Variants in C5AR2 observed in about 807,000 individuals in gnomAD.
C5AR2 encodes C5a anaphylatoxin chemotactic receptor 2.
For missense variants in C5AR2, 458 were observed against 467.5 expected (o/e 0.98, Z 0.19); for synonymous variants, 224 against 216.5 (o/e 1.03, Z -0.30).
At chr19:47,336,418 C>CTCTT (rs148272302) in intron 1 of C5AR2, among the ~76,000 whole-genome samples, 2 of 104,920 alleles carry the variant, frequency 1.9e-5, no homozygotes, top group African/African-American at 7.6e-5. Flanking sequence ...AAATGCTGTA[C>CTCTT]TCTTTCTTTC....
intron 1 of C5AR2, among the ~76,000 whole-genome samples, chr19:47,338,179 G>A (rs1049216233): frequency 9.2e-5 from 14 of 152,148 alleles, no homozygotes; most frequent in Non-Finnish European, 1.8e-4. Flanking sequence ...AGGGGGCAGA[G>A]GTGGGAGGAT....
chr19:47,333,601 T>C (rs1304561118), intron 1 of C5AR2, among the ~76,000 whole-genome samples: 2 of 150,164 alleles, frequency 1.3e-5, no homozygotes, highest in Non-Finnish European at 3.0e-5. Context: ...TTTTTTTTTT[T>C]TTTGAGATGG....
chr19:47,336,514 T>G (rs1330376173), intron 1 of C5AR2, among the ~76,000 whole-genome samples: 1 of 147,326 alleles, frequency 6.8e-6, no homozygotes, highest in East Asian at 2.0e-4. Context: ...TCTTTCTTTT[T>G]CTTTCTTTCT....
At chr19:47,333,341 T>C (rs938393684) in intron 1 of C5AR2, among the ~76,000 whole-genome samples, 1 of 152,072 alleles carries the variant, frequency 6.6e-6, no homozygotes, top group Non-Finnish European at 1.5e-5. Flanking sequence ...TCCACATTCT[T>C]GTGTGGTGTT....
intron 1 of C5AR2, among the ~76,000 whole-genome samples, chr19:47,337,392 G>T (rs758191210): frequency 6.6e-6 from 1 of 152,126 alleles, no homozygotes; most frequent in African/African-American, 2.4e-5. Flanking sequence ...GGCTGGGCGC[G>T]GTGGCTCATG....
rs1315783253 is a variant in C5AR2, at chr19:47,344,158, A to G, written c.*2345A>G. On this transcript the variant is annotated 3_prime_UTR_variant, in exon 2 of 2. Coordinates refer to ENST00000595464, the MANE Select transcript of C5AR2 (RefSeq NM_001271749.2). ...GAAGCTGGAGACCTGCCTGGGCAAC[A>G]GAGCAAGACCCCATCTCTACAAAAA... 6.6e-6 allele frequency: 1 copy of G among 152,244 alleles called. No individual in the cohort carries two copies. The highest frequency in any genetic ancestry group is 1.5e-5 in the Non-Finnish European group (1 of 68,088). 9.4% of individuals were successfully genotyped at this position (152,244 alleles called of 1,614,324 possible). A position where few individuals can be genotyped will look rare whatever the true frequency, so the allele number is the denominator to read the frequency against.
chr19:47,339,978 T>C (rs1191163087), intron 1 of C5AR2, among the ~76,000 whole-genome samples: 2 of 152,114 alleles, frequency 1.3e-5, no homozygotes, highest in Non-Finnish European at 2.9e-5. Context: ...TTTTTTATTT[T>C]TTGAGACAGA....
intron 1 of C5AR2, among the ~76,000 whole-genome samples, 175 bp from the exon 2 acceptor site, chr19:47,340,610 C>T (rs1296405244): frequency 6.6e-6 from 1 of 152,180 alleles, no homozygotes; most frequent in East Asian, 1.9e-4. Context: ...GTTAAGATTA[C>T]AGGTGTGAGC....
chr19:47,338,656 A>AAATAATAATAATAAT (rs34869990), intron 1 of C5AR2, among the ~76,000 whole-genome samples: 2,557 of 131,626 alleles, frequency 0.019, 94 homozygotes, highest in East Asian at 0.13. Flanking sequence ...ATGACCTCCA[A>AAATAATAATAATAAT]AATAATAATA....
intron 1 of C5AR2, among the ~76,000 whole-genome samples, chr19:47,334,689 A>G (rs1208480704): frequency 1.4e-5 from 2 of 147,314 alleles, no homozygotes; most frequent in Non-Finnish European, 3.0e-5. Context: ...ATCAAATTGG[A>G]TTTAATACAC....
intron 1 of C5AR2, among the ~76,000 whole-genome samples, chr19:47,333,527 G>A (rs961221485): frequency 6.6e-6 from 1 of 151,812 alleles, no homozygotes; most frequent in African/African-American, 2.4e-5. Flanking sequence ...TGATTGCTGG[G>A]TCGTGAGGGA....
chr19:47,332,995 T>C (rs955943856), intron 1 of C5AR2, among the ~76,000 whole-genome samples: 1 of 152,032 alleles, frequency 6.6e-6, no homozygotes, highest in African/African-American at 2.4e-5. Context: ...TTCTTTTCTC[T>C]TTCTTTCCTT....
rs1202560858 is a variant in C5AR2, at chr19:47,346,715, A to G, written c.*4902A>G. 3 of 152,120 alleles carry G rather than the reference A, an allele frequency of 2.0e-5. No individual in the cohort carries two copies. The highest frequency in any genetic ancestry group is 1.3e-4 in the Admixed American group (2 of 15,240). The allele number at this position is 152,120 out of a possible 1,614,324, so 9.4% of individuals were successfully genotyped here. A position where few individuals can be genotyped will look rare whatever the true frequency, so the allele number is the denominator to read the frequency against. On this transcript the variant is annotated 3_prime_UTR_variant, in exon 2 of 2. Coordinates refer to ENST00000595464, the MANE Select transcript of C5AR2 (RefSeq NM_001271749.2). ...GCAAGACTCCGTCTAAAAAAAAAAAATAGTAAGAAAGAAGGAAAGACACAA... is the reference window on the plus strand; with the variant it reads ...GCAAGACTCCGTCTAAAAAAAAAAAGTAGTAAGAAAGAAGGAAAGACACAA...
At chr19:47,338,547 C>T (rs1048763490) in intron 1 of C5AR2, among the ~76,000 whole-genome samples, 34 of 149,276 alleles carry the variant, frequency 2.3e-4, no homozygotes, top group African/African-American at 8.1e-4. Flanking sequence ...GGCACAGTGG[C>T]AATCATGCCT....
At chr19:47,339,954 T>C (rs1292921963) in intron 1 of C5AR2, among the ~76,000 whole-genome samples, 1 of 152,092 alleles carries the variant, frequency 6.6e-6, no homozygotes, top group Non-Finnish European at 1.5e-5. Context: ...ATTTCTTTCT[T>C]TCTTTTCCTA....
In C5AR2 at chr19:47,340,934, C is replaced by G; in HGVS notation, c.135C>G (p.Ile45Met). Residue 45 changes from isoleucine (I) to methionine (M), a missense_variant, in exon 2 of 2, where the codon ATC (isoleucine) becomes ATG (methionine). Ile to Met is a conservative substitution (Grantham distance 10). Transcript: ENST00000595464. ...CCCCGCTCCCACTGTATGCCGCCATCTTCCTGGTGGGGGTGCCGGGCAATG... is the reference window on the plus strand; with the variant it reads ...CCCCGCTCCCACTGTATGCCGCCATGTTCCTGGTGGGGGTGCCGGGCAATG... ...RVAPLPLYAAIFLVGVPGNAM... is the reference protein window; with the variant it reads ...RVAPLPLYAAMFLVGVPGNAM... The G allele has an allele frequency of 6.2e-7, 1 of 1,612,430 alleles. No homozygotes were observed. The highest frequency in any genetic ancestry group is 8.5e-7 in the Non-Finnish European group (1 of 1,179,940).
rs1477121875 is a variant in C5AR2, at chr19:47,340,858, C to G, written c.59C>G (p.Pro20Arg). 6.2e-7 allele frequency: 1 copy of G among 1,613,656 alleles called. No homozygotes were observed. Among genetic ancestry groups the G allele is most frequent in the Non-Finnish European group, 8.5e-7 (1 of 1,179,998 alleles). ...GATTACAGCGACCTCTCGGACCGCC[C>G]TGTGGACTGCCTGGATGGCGCCTGC... Reference protein sequence around the residue: ...YGDYSDLSDRPVDCLDGACLA... With the variant: ...YGDYSDLSDRRVDCLDGACLA... The change falls in exon 2 of 2, where the codon CCT becomes CGT. Residue 20 changes from proline (P) to arginine (R), a missense_variant. Physicochemically the swap from Pro to Arg is moderately radical, Grantham distance 103. Transcript: ENST00000595464.
Position 47,340,782 on chromosome 19 carries a change from C to CAGA in C5AR2, c.-15-2_-15dup, listed in dbSNP as rs778017856. On this transcript the variant is annotated splice_region_variant and splice_polypyrimidine_tract_variant and intron_variant, in intron 1 of 1. Transcript: ENST00000595464. ...GTTTTCATCGTCTTTCTCTCCTGCC[C>CAGA]AGACACCAGGAGCCTGAATGGGGAA... The CAGA allele has an allele frequency of 6.2e-7, 1 of 1,612,846 alleles. No individual in the cohort carries two copies. The highest frequency in any genetic ancestry group is 8.5e-7 in the Non-Finnish European group (1 of 1,179,678).
chr19:47,341,243 G>A lies in C5AR2; in HGVS notation c.444G>A (p.Ala148=), dbSNP rs748064298. 55 of 1,602,362 alleles carry A rather than the reference G, an allele frequency of 3.4e-5. No homozygotes were observed. The highest frequency in any genetic ancestry group is 1.6e-4 in the Middle Eastern group (1 of 6,082). The change falls in exon 2 of 2, where the codon GCG becomes GCA. Residue 148 remains alanine (A), a synonymous_variant. Transcript: ENST00000595464. This position sits in a 1 kb window ranked among gnomAD's most constrained non-coding sequence, Gnocchi z 4.6. ...CCTGGTGGTCTACGGTTCAGCGGGC[G>A]TGCGGGGTGCAGGTGGCCTGTGGGG... The part of the protein sequence containing the change: ...GPAWWSTVQR[A]CGVQVACGAA...
Sources: allele counts gnomAD v4.1 joint callset (sites outside exome capture counted in the v4.1 genomes callset), GRCh38; gene constraint gnomAD v4.1.1; non-coding constraint Gnocchi (gnomAD v3.1); transcripts MANE v1.5; gene names NCBI Gene and HGNC (gene_info 2026-07-23, HGNC 2026-07-21).